Variants in HDAC8 observed in about 807,000 individuals in gnomAD.
The protein encoded by HDAC8 is histone deacetylase-like 1.
HDAC8 carries 1 observed loss-of-function variant against 32.2 expected under a neutral mutation model. That is an observed-to-expected ratio of 0.03 (90% confidence interval 0.01 to 0.15). HDAC8 has a LOEUF of 0.15. Among genes scored for constraint, HDAC8 ranks in the 10% least tolerant of loss-of-function variants. The probability of loss-of-function intolerance (pLI) is 1.00; values close to 1 mark genes in which losing one functional copy is unlikely to be tolerated. For synonymous variants in HDAC8, 108 were observed against 113.9 expected (o/e 0.95, Z 0.33); for missense variants, 117 against 300.0 (o/e 0.39, Z 4.51).
intron 9 of HDAC8, among the ~76,000 whole-genome samples, chrX:72,413,485 C>A (rs1316287855): frequency 9.0e-6 from 1 of 110,808 alleles, no homozygotes; most frequent in Non-Finnish European, 1.9e-5. Context: ...GACCTGCCAG[C>A]CTGGAAGGCC....
intron 9 of HDAC8, among the ~76,000 whole-genome samples, chrX:72,390,647 A>G (rs1331117947): frequency 1.8e-5 from 2 of 111,719 alleles, no homozygotes; most frequent in Non-Finnish European, 3.8e-5. Flanking sequence ...AAGTGTAGCT[A>G]TAGAGATTAG....
intron 9 of HDAC8, among the ~76,000 whole-genome samples, chrX:72,380,576 A>G (rs915048393): frequency 1.8e-4 from 20 of 111,942 alleles, no homozygotes; most frequent in Admixed American, 3.8e-4. Flanking sequence ...ATTCATTTAC[A>G]TACTGTCTAT....
intron 4 of HDAC8, among the ~76,000 whole-genome samples, chrX:72,538,300 C>T (rs1318302723): frequency 1.8e-5 from 2 of 109,007 alleles, no homozygotes; most frequent in East Asian, 5.8e-4. Flanking sequence ...TCTTGTGCAT[C>T]AACCTCCCGA....
intron 7 of HDAC8, among the ~76,000 whole-genome samples, chrX:72,479,783 C>G (rs1345638205): frequency 1.8e-5 from 2 of 112,219 alleles, no homozygotes; most frequent in African/African-American, 6.5e-5. Flanking sequence ...TCCCTCTAAC[C>G]ACCTGGATTT....
chrX:72,422,678 G>A (rs1336142170), intron 9 of HDAC8, among the ~76,000 whole-genome samples: 2 of 111,959 alleles, frequency 1.8e-5, no homozygotes, highest in African/African-American at 6.5e-5. Context: ...GTTGTCTCTT[G>A]TAAGCCTCAA....
intron 9 of HDAC8, among the ~76,000 whole-genome samples, chrX:72,424,390 T>A (rs1478829059): frequency 8.9e-6 from 1 of 111,837 alleles, no homozygotes; most frequent in East Asian, 2.8e-4. Flanking sequence ...TAATTATTTC[T>A]TTGATAATTT....
intron 9 of HDAC8, among the ~76,000 whole-genome samples, chrX:72,460,794 G>A (rs1209663618): frequency 1.8e-5 from 2 of 111,895 alleles, no homozygotes; most frequent in Admixed American, 9.5e-5. Flanking sequence ...TGCAATCTGA[G>A]ATATTCCCAC....
In HDAC8 at chrX:72,462,127, G is replaced by A. The variant is rs377299306; in HGVS notation, c.911-29C>T. 1.1e-5 allele frequency: 12 copies of A among 1,084,626 alleles called. No homozygotes were observed. In the African/African-American group the frequency reaches 2.0e-4, roughly 18 times the overall value. The allele number at this position is 1,084,626 out of a possible 1,213,427, so 89.4% of individuals were successfully genotyped here. On this transcript the variant is annotated intron_variant, in intron 8 of 10. Transcript: ENST00000373573. ...TCTCCATCAAGAATTGTGAAGTTAG[G>A]AAAGAATAGTCATAAAACAGCAGGA...
rs782303366 is a variant in HDAC8 at position 72,551,081 on chromosome X, A to G, written c.437+16808T>C. Among the ~76,000 whole-genome samples, 837 of 87,197 alleles carry G rather than the reference A, an allele frequency of 9.6e-3. 2 individuals carry two copies. Among genetic ancestry groups the G allele is most frequent in the Non-Finnish European group, 0.014 (646 of 44,943 alleles). The allele number at this position is 87,197 out of a possible 115,157, so 75.7% of individuals were successfully genotyped here. ...ATGCTGGAAATCTTGAAGTCAGCGCACACACACACACACACACACACACAC... is the reference window on the plus strand; with the variant it reads ...ATGCTGGAAATCTTGAAGTCAGCGCGCACACACACACACACACACACACAC... On this transcript the variant is annotated intron_variant, in intron 4 of 10. Transcript: ENST00000373573.
chrX:72,392,974 T>C (rs151249462), intron 9 of HDAC8, among the ~76,000 whole-genome samples: 1,159 of 111,961 alleles, frequency 0.01, 20 homozygotes, highest in African/African-American at 0.035. Context: ...TTAAGAGTAA[T>C]GGAGATGATC....
chrX:72,357,187 G>A (rs1347117207), intron 9 of HDAC8, among the ~76,000 whole-genome samples: 1 of 108,547 alleles, frequency 9.2e-6, no homozygotes, highest in African/African-American at 3.4e-5. Context: ...GAGCATGAAC[G>A]GGATGAAGGA....
At chrX:72,529,987 A>T (rs1281658462) in intron 4 of HDAC8, among the ~76,000 whole-genome samples, 2 of 111,922 alleles carry the variant, frequency 1.8e-5, no homozygotes, top group Non-Finnish European at 3.8e-5. Context: ...CTCTGCCAAG[A>T]CTGTAAGTTT....
chrX:72,404,752 CT>C (rs2045992492), intron 9 of HDAC8, among the ~76,000 whole-genome samples: 1 of 110,511 alleles, frequency 9.0e-6, no homozygotes, highest in Non-Finnish European at 1.9e-5. Flanking sequence ...TCTAATTGTT[CT>C]TTTGTTCATG....
chrX:72,556,409 T>C (rs2051284364), intron 4 of HDAC8, among the ~76,000 whole-genome samples: 1 of 111,673 alleles, frequency 9.0e-6, no homozygotes, highest in Non-Finnish European at 1.9e-5. Context: ...TCAATCTCAA[T>C]ACTAACATTG....
chrX:72,438,771 T>C (rs782150445), intron 9 of HDAC8, among the ~76,000 whole-genome samples: 17 of 110,984 alleles, frequency 1.5e-4, no homozygotes, highest in African/African-American at 5.6e-4. Context: ...AGAAAAAAGA[T>C]TGAAAAGGAA....
intron 4 of HDAC8, among the ~76,000 whole-genome samples, chrX:72,546,660 C>T (rs1176750376): frequency 9.0e-6 from 1 of 110,842 alleles, no homozygotes; most frequent in African/African-American, 3.3e-5. Context: ...CTTCCTAAGA[C>T]ACTGATGACA....
At chrX:72,446,238 A>G (rs1287227345) in intron 9 of HDAC8, among the ~76,000 whole-genome samples, 1 of 112,497 alleles carries the variant, frequency 8.9e-6, no homozygotes, top group Non-Finnish European at 1.9e-5. Context: ...ACGCACACGT[A>G]TGTTTATTGT....
At chrX:72,568,908 G>C (rs1429101278) in intron 2 of HDAC8, 24 bp from the exon 3 acceptor site, 4 of 1,197,092 alleles carry the variant, frequency 3.3e-6, no homozygotes, top group Non-Finnish European at 3.4e-6. Flanking sequence ...AGAGAACAAA[G>C]AGAGGTCAGT....
intron 4 of HDAC8, among the ~76,000 whole-genome samples, chrX:72,559,639 G>A (rs574747735): frequency 1.8e-5 from 2 of 108,193 alleles, no homozygotes; most frequent in Non-Finnish European, 1.9e-5. Context: ...GTCTCTGCCC[G>A]GCCGCCCATC....
Sources: allele counts gnomAD v4.1 joint callset (sites outside exome capture counted in the v4.1 genomes callset), GRCh38; gene constraint gnomAD v4.1.1; transcripts MANE v1.5; gene names NCBI Gene and HGNC (gene_info 2026-07-23, HGNC 2026-07-21).